PPM1D: variants seen among roughly 807,000 people sequenced by gnomAD.
PPM1D encodes the protein protein phosphatase, Mg2+/Mn2+ dependent 1D.
Under a neutral mutation model 58.3 loss-of-function variants are expected in PPM1D, and 52 were observed. The ratio of observed to expected loss-of-function variants is 0.89; its 90% CI spans 0.71 to 1.12. The LOEUF (loss-of-function observed/expected upper bound fraction) is 1.12. PPM1D is among the 50% of genes most tolerant of loss of function. PPM1D has a pLI of 0.00. For synonymous variants in PPM1D, 278 were observed against 285.1 expected (o/e 0.98, Z 0.25); for missense variants, 564 against 777.2 (o/e 0.73, Z 3.26).
intron 1 of PPM1D, among the ~76,000 whole-genome samples, chr17:60,608,500 G>T (rs568601014): frequency 1.9e-4 from 29 of 152,218 alleles, no homozygotes; most frequent in Non-Finnish European, 3.2e-4. Flanking sequence ...AATTAGCTGG[G>T]TGTGGTGGCA....
intron 5 of PPM1D, chr17:60,662,472 T>G (rs1301431416): frequency 6.5e-6 from 1 of 153,172 alleles, no homozygotes; most frequent in Non-Finnish European, 1.5e-5. Context: ...TTGATGGTTC[T>G]TATGGAAAAA....
At chr17:60,603,179 T>C (rs1255396820) in intron 1 of PPM1D, among the ~76,000 whole-genome samples, 1 of 152,198 alleles carries the variant, frequency 6.6e-6, no homozygotes, top group African/African-American at 2.4e-5. Flanking sequence ...CACCCTTTTT[T>C]CTACTTTTGT....
chr17:60,663,415 G>T lies in PPM1D; in HGVS notation c.1681G>T (p.Ala561Ser). The T allele has an allele frequency of 6.2e-7, 1 of 1,614,156 alleles. No individual in the cohort carries two copies. The highest frequency in any genetic ancestry group is 1.6e-4 in the Middle Eastern group (1 of 6,062). Reference protein sequence around the residue: ...RRNGLSRSSGAQPASLPTTSQ... With the variant: ...RRNGLSRSSGSQPASLPTTSQ... ...AAATGGCTTAAGTCGAAGTAGTGGTGCTCAGCCTGCAAGTCTCCCCACAAC... is the reference window on the plus strand; with the variant it reads ...AAATGGCTTAAGTCGAAGTAGTGGTTCTCAGCCTGCAAGTCTCCCCACAAC... Residue 561 changes from alanine (A) to serine (S), a missense_variant, in exon 6 of 6, where the codon GCT (alanine) becomes TCT (serine). Ala to Ser is a moderately conservative substitution (Grantham distance 99, BLOSUM62 1). This residue lies in a region of PPM1D where 261 missense variants were observed against 270.1 expected (regional missense o/e 0.97). Transcript: ENST00000305921.
chr17:60,646,563 CCT>C (rs2143700533), intron 3 of PPM1D, among the ~76,000 whole-genome samples: 1 of 152,264 alleles, frequency 6.6e-6, no homozygotes, highest in African/African-American at 2.4e-5. Flanking sequence ...CTTTCTGTCT[CCT>C]CTTCCACATT....
intron 2 of PPM1D, among the ~76,000 whole-genome samples, chr17:60,628,444 A>T (rs1377653896): frequency 6.6e-6 from 1 of 152,112 alleles, no homozygotes; most frequent in African/African-American, 2.4e-5. Context: ...CATGACACGT[A>T]TCCATCATTA....
intron 1 of PPM1D, 117 bp downstream of exon 1, chr17:60,601,003 G>A: frequency 1.4e-6 from 2 of 1,429,844 alleles, no homozygotes; most frequent in Non-Finnish European, 9.5e-7. Flanking sequence ...TACACTGATG[G>A]AAGTGACTAA....
chr17:60,615,507 TATAAA>T (rs889654380), intron 1 of PPM1D, among the ~76,000 whole-genome samples: 9 of 151,718 alleles, frequency 5.9e-5, no homozygotes, highest in African/African-American at 1.9e-4. Context: ...AAAATTAAAA[TATAAA>T]GTAGGAAATA....
At position 60,663,576 on chromosome 17, in the gene PPM1D, T is replaced by C; in HGVS notation, c.*24T>C. On this transcript the variant is annotated 3_prime_UTR_variant, in exon 6 of 6. Transcript: ENST00000305921. ...GAAATGCATCTGGGAAATGAGGTTT[T>C]TCCAAACTTAGGATATAAGAGGGCT... is the stretch of plus-strand genomic sequence containing the variant. 6.3e-7 allele frequency: 1 copy of C among 1,592,090 alleles called. No homozygotes were observed. Among genetic ancestry groups the C allele is most frequent in the Non-Finnish European group, 8.5e-7 (1 of 1,172,758 alleles).
At chr17:60,630,457 A>G (rs541937194) in intron 2 of PPM1D, among the ~76,000 whole-genome samples, 4 of 152,190 alleles carry the variant, frequency 2.6e-5, no homozygotes, top group Admixed American at 1.3e-4. Context: ...GAGCTATTTT[A>G]TTATAAGTTA....
intron 2 of PPM1D, among the ~76,000 whole-genome samples, chr17:60,626,833 G>A (rs1214949959): frequency 6.6e-6 from 1 of 152,204 alleles, no homozygotes; most frequent in African/African-American, 2.4e-5. Flanking sequence ...TGTGAGCCAC[G>A]TGCCCAGCTT....
rs893953626 is a variant in PPM1D at position 60,614,105 on chromosome 17, C to G, written c.473-9416C>G. 2.9e-5 allele frequency among the ~76,000 whole-genome samples: 4 copies of G among 137,356 alleles called. No individual in the cohort carries two copies. The East Asian group carries it at 9.0e-4, about 31-fold the overall frequency. 90.1% of individuals were successfully genotyped at this position (137,356 alleles called of 152,430 possible). A position where few individuals can be genotyped will look rare whatever the true frequency, so the allele number is the denominator to read the frequency against. On this transcript the variant is annotated intron_variant, in intron 1 of 5. Transcript: ENST00000305921. ...TGCAAAGCCAGCTGGGCTCCTGAGT[C>G]TAGTGGGGACTTGGAGAACCTTTAT...
intron 1 of PPM1D, among the ~76,000 whole-genome samples, chr17:60,601,713 C>T (rs987707100): frequency 6.6e-6 from 1 of 152,094 alleles, no homozygotes. Flanking sequence ...TTACTGTATG[C>T]TAGAAGGAAA....
intron 3 of PPM1D, among the ~76,000 whole-genome samples, chr17:60,642,155 A>C (rs2031146479): frequency 1.3e-5 from 2 of 152,216 alleles, no homozygotes; most frequent in Non-Finnish European, 2.9e-5. Context: ...TGAACTGGTA[A>C]AACAAGGGAA....
chr17:60,614,113 G>C (rs1036980047), intron 1 of PPM1D, among the ~76,000 whole-genome samples: 1 of 146,936 alleles, frequency 6.8e-6, no homozygotes, highest in African/African-American at 2.4e-5. Context: ...GTCTAGTGGG[G>C]ACTTGGAGAA....
chr17:60,623,809 C>T, intron 2 of PPM1D, 60 bp downstream of exon 2: 1 of 1,510,096 alleles, frequency 6.6e-7, no homozygotes, highest in South Asian at 1.2e-5. Flanking sequence ...TTATGCTTTA[C>T]TAATGAAATT....
chr17:60,605,865 A>G (rs967303301), intron 1 of PPM1D, among the ~76,000 whole-genome samples: 1 of 152,230 alleles, frequency 6.6e-6, no homozygotes, highest in Non-Finnish European at 1.5e-5. Flanking sequence ...AGATCACGCC[A>G]TTGCACTCCA....
rs546822519 is a variant in PPM1D at position 60,664,039 on chromosome 17, G to T, written c.*487G>T. 6.5e-6 allele frequency: 1 copy of T among 154,792 alleles called. No individual in the cohort carries two copies. The highest frequency in any genetic ancestry group is 1.4e-5 in the Non-Finnish European group (1 of 69,392). The allele number at this position is 154,792 out of a possible 1,614,324, so 9.6% of individuals were successfully genotyped here. A position where few individuals can be genotyped will look rare whatever the true frequency, so the allele number is the denominator to read the frequency against. ...CCTGTGTTTCACTTAATGTTTCTTAGAGCCAAGTGTCTTTTAAACATTATT... is the reference window on the plus strand; with the variant it reads ...CCTGTGTTTCACTTAATGTTTCTTATAGCCAAGTGTCTTTTAAACATTATT... On this transcript the variant is annotated 3_prime_UTR_variant, in exon 6 of 6. Transcript: ENST00000305921.
intron 4 of PPM1D, among the ~76,000 whole-genome samples, chr17:60,653,514 A>C (rs1437101633): frequency 6.6e-6 from 1 of 152,192 alleles, no homozygotes; most frequent in Admixed American, 6.5e-5. Context: ...TGCTTTGGCT[A>C]TTCAGGATAT....
intron 3 of PPM1D, among the ~76,000 whole-genome samples, chr17:60,646,896 G>A (rs943717306): frequency 5.3e-5 from 8 of 152,316 alleles, no homozygotes; most frequent in African/African-American, 1.9e-4. Flanking sequence ...TTGGTAAAGA[G>A]CATTACAATG....
Sources: allele counts gnomAD v4.1 joint callset (sites outside exome capture counted in the v4.1 genomes callset), GRCh38; gene constraint gnomAD v4.1.1; regional missense constraint gnomAD v4.1.1; transcripts MANE v1.5; gene names NCBI Gene and HGNC (gene_info 2026-07-23, HGNC 2026-07-21).